CPNE4: variants seen among roughly 807,000 people sequenced by gnomAD.
The protein encoded by CPNE4 is copine-4.
A neutral mutation model predicts 67.9 loss-of-function variants in CPNE4; 25 were observed. That is an observed-to-expected ratio of 0.37 (90% CI 0.27 to 0.51). The LOEUF (loss-of-function observed/expected upper bound fraction) is 0.51, where lower values mean the gene tolerates loss of function less well. Among genes scored for constraint, CPNE4 ranks in the 20% least tolerant of loss-of-function variants. The pLI, the probability that CPNE4 is intolerant of heterozygous loss-of-function variation, is 0.93. For synonymous variants in CPNE4, 242 were observed against 244.9 expected (o/e 0.99, Z 0.11); for missense variants, 464 against 690.8 (o/e 0.67, Z 3.68).
chr3:132,024,077 C>T (rs2074063342), intron 1 of CPNE4, among the ~76,000 whole-genome samples: 1 of 117,038 alleles, frequency 8.5e-6, no homozygotes, highest in Non-Finnish European at 1.7e-5. Flanking sequence ...TTGGGGTCTT[C>T]AGTAATTTTT....
intron 1 of CPNE4, among the ~76,000 whole-genome samples, chr3:132,001,046 A>G (rs1384872467): frequency 1.3e-5 from 2 of 152,052 alleles, no homozygotes; most frequent in African/African-American, 2.4e-5. Flanking sequence ...ATGTCAAAAC[A>G]AAGTTGTTTA....
intron 2 of CPNE4, among the ~76,000 whole-genome samples, chr3:131,764,542 T>C (rs2036998): frequency 0.22 from 34,207 of 152,064 alleles, 4,575 homozygotes; most frequent in East Asian, 0.34. Context: ...TATTGCTAGC[T>C]ATACTGTGGT....
intron 2 of CPNE4, among the ~76,000 whole-genome samples, chr3:131,848,956 C>CAAAAAAAAAAAAAAAAAAAAAAAAAAA (rs67407668): frequency 6.3e-5 from 5 of 79,636 alleles, no homozygotes; most frequent in African/African-American, 2.8e-4. Flanking sequence ...GTAGTGATTA[C>CAAAAAAAAAAAAAAAAAAAAAAAAAAA]AAAAAAAAAA....
chr3:131,746,491 T>C (rs2082492079), intron 2 of CPNE4, among the ~76,000 whole-genome samples: 1 of 152,172 alleles, frequency 6.6e-6, no homozygotes, highest in Non-Finnish European at 1.5e-5. Context: ...GAACAACTTA[T>C]TAGATTTCAC....
Position 131,735,530 on chromosome 3 carries a change from G to A in CPNE4, c.181-11905C>T, listed in dbSNP as rs1288800655. Among the ~76,000 whole-genome samples the A allele has an allele frequency of 4.6e-5, 7 of 152,176 alleles. 1 individual carries two copies. In the South Asian group the frequency reaches 1.2e-3, roughly 27 times the overall value. The stretch of plus-strand genomic sequence containing the variant: ...TTAAAGAGTCTTAAAGAGTTCTGCA[G>A]CAAATAAATGTGTTAGGTTTTCTAA... On this transcript the variant is annotated intron_variant, in intron 2 of 15. Transcript: ENST00000429747.
At chr3:131,942,451 TGTGTGTGTGTGTGAGAGAGA>T (rs1284497021) in intron 1 of CPNE4, among the ~76,000 whole-genome samples, 27 of 62,424 alleles carry the variant, frequency 4.3e-4, no homozygotes, top group Admixed American at 1.8e-3. Context: ...TGTGTGTGTG[TGTGTGTGTGTGTGAGAGAGA>T]GAGAGAGAGA....
rs202143218 is a variant in CPNE4, at chr3:131,635,466, G to T, written c.681+34209C>A. 1.6e-3 allele frequency among the ~76,000 whole-genome samples: 250 copies of T among 152,098 alleles called. 2 individuals carry two copies. The highest frequency in any genetic ancestry group is 4.9e-3 in the African/African-American group (204 of 41,488). ...ATCTATTCCTATGCTGTCTAATAGG[G>T]TAGCCACTAGCCACATGCAGCTCTT... On this transcript the variant is annotated intron_variant, in intron 7 of 15. Transcript: ENST00000429747.
At position 131,584,152 on chromosome 3, in the gene CPNE4, C is replaced by G. The variant is rs58286339; in HGVS notation, c.781-2487G>C. On this transcript the variant is annotated intron_variant, in intron 8 of 15. Coordinates refer to ENST00000429747, the MANE Select transcript of CPNE4 (RefSeq NM_130808.3). ...AAGATGTTCTCTCCTCTTTTTTTCT[C>G]TGATGCTACATACTGAGATTCCTCA... 2.4e-3 allele frequency among the ~76,000 whole-genome samples: 361 copies of G among 152,120 alleles called. 2 individuals are homozygous for G. The highest frequency in any genetic ancestry group is 8.4e-3 in the African/African-American group (349 of 41,540).
At chr3:131,897,696 G>A (rs2088391639) in intron 2 of CPNE4, among the ~76,000 whole-genome samples, 1 of 152,092 alleles carries the variant, frequency 6.6e-6, no homozygotes, top group South Asian at 2.1e-4. Flanking sequence ...AGGAGTTTGA[G>A]ACCAGCTAAG....
intron 2 of CPNE4, among the ~76,000 whole-genome samples, chr3:131,904,826 C>T (rs1288791155): frequency 1.3e-5 from 2 of 152,074 alleles, no homozygotes; most frequent in Non-Finnish European, 2.9e-5. Context: ...AACCTGTTTC[C>T]TCAAAGCTAC....
intron 11 of CPNE4, 98 bp from the exon 12 acceptor site, chr3:131,555,649 C>T: frequency 1.9e-6 from 2 of 1,030,884 alleles, no homozygotes; most frequent in South Asian, 1.4e-5. Flanking sequence ...GGTTGCTAGG[C>T]CATGTTGCTA....
chr3:131,698,466 T>C lies in CPNE4; in HGVS notation c.432+1443A>G, dbSNP rs141743814. ...CCATCAGTGTCTTCAAAGAACACTT[T>C]GATTCATGACTGAAGATGGCAGTCA... On this transcript the variant is annotated intron_variant, in intron 4 of 15. Transcript: ENST00000429747. Among the ~76,000 whole-genome samples the C allele has an allele frequency of 3.8e-3, 573 of 152,062 alleles. 2 individuals carry two copies. The highest frequency in any genetic ancestry group is 0.013 in the African/African-American group (540 of 41,486).
intron 7 of CPNE4, among the ~76,000 whole-genome samples, chr3:131,610,514 G>A (rs1939774882): frequency 6.6e-6 from 1 of 152,048 alleles, no homozygotes; most frequent in Non-Finnish European, 1.5e-5. Context: ...AGTGCTTGGA[G>A]AAATCCTTAC....
intron 10 of CPNE4, among the ~76,000 whole-genome samples, chr3:131,565,099 A>G (rs1310313148): frequency 1.3e-5 from 2 of 152,036 alleles, no homozygotes; most frequent in Non-Finnish European, 2.9e-5. Context: ...ACACTTCTTA[A>G]TAACAAAAGA....
At chr3:131,580,135 A>T (rs759615186) in intron 9 of CPNE4, among the ~76,000 whole-genome samples, 1 of 152,174 alleles carries the variant, frequency 6.6e-6, no homozygotes, top group Non-Finnish European at 1.5e-5. Flanking sequence ...AACCATCAAT[A>T]TCCAGATAAG....
chr3:131,617,054 G>C (rs1940195295), intron 7 of CPNE4, among the ~76,000 whole-genome samples: 2 of 152,170 alleles, frequency 1.3e-5, no homozygotes, highest in Middle Eastern at 3.2e-3. Flanking sequence ...CCTGAGCTCT[G>C]TTCTGATGAA....
At chr3:131,611,898 A>G (rs1939863338) in intron 7 of CPNE4, among the ~76,000 whole-genome samples, 1 of 152,090 alleles carries the variant, frequency 6.6e-6, no homozygotes, top group Non-Finnish European at 1.5e-5. Context: ...ACGACAAATA[A>G]GCCCAAGTCA....
chr3:131,807,852 C>T (rs1310605374), intron 2 of CPNE4, among the ~76,000 whole-genome samples: 1 of 151,710 alleles, frequency 6.6e-6, no homozygotes, highest in African/African-American at 2.4e-5. Flanking sequence ...AGAATATTGC[C>T]CGTCTTATTT....
Position 131,723,557 on chromosome 3 carries a change from A to G in CPNE4, c.249T>C (p.Phe83=), listed in dbSNP as rs2081936871. The change falls in exon 3 of 16, where the codon TTT becomes TTC. Residue 83 remains phenylalanine (F), a synonymous_variant. Transcript: ENST00000429747. ...PVYSKLFTVD[F]YFEEVQRLRF... The stretch of plus-strand genomic sequence containing the variant: ...GCAGGCGCTGCACCTCCTCAAAGTA[A>G]AAGTCCACAGTAAACAGTTTTGAGT... 2 of 1,614,030 alleles carry G rather than the reference A, an allele frequency of 1.2e-6. No homozygotes were observed. Among genetic ancestry groups the G allele is most frequent in the Non-Finnish European group, 1.7e-6 (2 of 1,180,026 alleles).
Sources: gnomAD v4.1 joint callset for allele counts (sites outside exome capture counted in the v4.1 genomes callset) on GRCh38, gnomAD v4.1.1 for gene constraint, MANE v1.5 for transcripts, NCBI Gene and HGNC (gene_info 2026-07-23, HGNC 2026-07-21) for gene names.